The following DGKI variants were observed in gnomAD, a reference collection of about 807,000 sequenced individuals.
DGKI encodes the protein diacylglycerol kinase iota, also known as DAG kinase iota.
A neutral mutation model predicts 147.5 loss-of-function variants in DGKI; 55 were observed. The ratio of observed to expected loss-of-function variants is 0.37; its 90% confidence interval spans 0.30 to 0.47. DGKI has a LOEUF of 0.47. DGKI is among the 20% of genes least tolerant of loss of function. DGKI has a pLI of 1.00. For synonymous variants in DGKI, 469 were observed against 477.1 expected (o/e 0.98, Z 0.22); for missense variants, 1,007 against 1,323.8 (o/e 0.76, Z 3.71).
chr7:137,601,768 T>C (rs1323475477), intron 10 of DGKI, among the ~76,000 whole-genome samples: 1 of 152,242 alleles, frequency 6.6e-6, no homozygotes, highest in Non-Finnish European at 1.5e-5. Context: ...ATGTGAGCTC[T>C]AAAGTATAGC....
intron 27 of DGKI, among the ~76,000 whole-genome samples, chr7:137,454,588 G>T (rs1251320262): frequency 6.6e-6 from 1 of 151,944 alleles, no homozygotes; most frequent in Non-Finnish European, 1.5e-5. Flanking sequence ...TAGACAAAAT[G>T]AAAAAAGAAA....
intron 23 of DGKI, among the ~76,000 whole-genome samples, chr7:137,472,885 C>T (rs545163293): frequency 2.0e-5 from 3 of 151,694 alleles, no homozygotes; most frequent in African/African-American, 4.8e-5. Context: ...CTGCAGAGGA[C>T]ACAATAAAAA....
At chr7:137,652,187 G>A (rs976315454) in intron 5 of DGKI, among the ~76,000 whole-genome samples, 3 of 152,062 alleles carry the variant, frequency 2.0e-5, no homozygotes, top group Admixed American at 1.3e-4. Context: ...CTAGAAATGA[G>A]GGGATGAAAA....
chr7:137,549,842 A>G (rs1185862880), intron 20 of DGKI, among the ~76,000 whole-genome samples: 1 of 152,220 alleles, frequency 6.6e-6, no homozygotes, highest in Non-Finnish European at 1.5e-5. Flanking sequence ...ATAGGTTAGA[A>G]GGTAAATAAG....
intron 1 of DGKI, among the ~76,000 whole-genome samples, chr7:137,767,093 G>A (rs1300841953): frequency 3.3e-5 from 5 of 152,040 alleles, no homozygotes; most frequent in Non-Finnish European, 5.9e-5. Flanking sequence ...TGATGGGGGG[G>A]CCACTACCAG....
intron 3 of DGKI, among the ~76,000 whole-genome samples, chr7:137,667,851 C>T (rs1822696922): frequency 6.6e-6 from 1 of 152,156 alleles, no homozygotes; most frequent in East Asian, 1.9e-4. Flanking sequence ...TTCACTGACA[C>T]ATACACACCC....
intron 23 of DGKI, among the ~76,000 whole-genome samples, chr7:137,472,687 C>T (rs556598983): frequency 5.9e-5 from 9 of 151,582 alleles, no homozygotes; most frequent in Non-Finnish European, 1.0e-4. Flanking sequence ...ACAGATAAAG[C>T]TACTGACGTC....
chr7:137,750,356 C>T (rs1310019156), intron 1 of DGKI, among the ~76,000 whole-genome samples: 1 of 152,148 alleles, frequency 6.6e-6, no homozygotes, highest in South Asian at 2.1e-4. Flanking sequence ...CACACTCCTC[C>T]ACCATGAAGC....
intron 1 of DGKI, among the ~76,000 whole-genome samples, chr7:137,765,361 C>A (rs1406446338): frequency 6.6e-6 from 1 of 151,992 alleles, no homozygotes; most frequent in Non-Finnish European, 1.5e-5. Flanking sequence ...TATTTTTAAC[C>A]CAGCATTCCA....
chr7:137,445,895 G>A (rs905592065), intron 27 of DGKI, among the ~76,000 whole-genome samples: 7 of 152,056 alleles, frequency 4.6e-5, no homozygotes, highest in African/African-American at 1.7e-4. Flanking sequence ...GTTGGGGAGG[G>A]GAGTATTGAA....
chr7:137,661,702 C>T (rs1222158735), intron 3 of DGKI, among the ~76,000 whole-genome samples: 2 of 152,186 alleles, frequency 1.3e-5, no homozygotes, highest in Non-Finnish European at 2.9e-5. Flanking sequence ...TGCTCTCCTC[C>T]TCCCCCTTCT....
intron 28 of DGKI, among the ~76,000 whole-genome samples, chr7:137,421,028 G>C (rs1420806480): frequency 2.0e-5 from 3 of 151,518 alleles, no homozygotes; most frequent in Non-Finnish European, 4.4e-5. Flanking sequence ...CAATAAAAAA[G>C]AAAAAGAAAA....
At chr7:137,524,627 G>A (rs1817078009) in intron 20 of DGKI, among the ~76,000 whole-genome samples, 1 of 152,104 alleles carries the variant, frequency 6.6e-6, no homozygotes, top group Non-Finnish European at 1.5e-5. Flanking sequence ...TGCAAAGACT[G>A]TAATTAGAAA....
intron 1 of DGKI, among the ~76,000 whole-genome samples, chr7:137,748,971 G>A (rs962431067): frequency 3.3e-5 from 5 of 152,114 alleles, no homozygotes; most frequent in Admixed American, 6.5e-5. Context: ...ATTTAGTATC[G>A]TGCCTTATAG....
intron 19 of DGKI, among the ~76,000 whole-genome samples, chr7:137,556,552 C>G (rs1818230913): frequency 6.6e-6 from 1 of 152,076 alleles, no homozygotes; most frequent in Non-Finnish European, 1.5e-5. Context: ...TTCTACTACT[C>G]TAGCATTAAA....
chr7:137,564,700 T>G (rs1818524729), intron 19 of DGKI, among the ~76,000 whole-genome samples: 2 of 152,266 alleles, frequency 1.3e-5, no homozygotes, highest in African/African-American at 4.8e-5. Context: ...TTTACTTCCT[T>G]CCAGGGATGG....
At chr7:137,798,331 C>T (rs1193828541) in intron 1 of DGKI, among the ~76,000 whole-genome samples, 1 of 152,192 alleles carries the variant, frequency 6.6e-6, no homozygotes, top group Non-Finnish European at 1.5e-5. Flanking sequence ...AACCTTTCAA[C>T]CTACTCTACG....
intron 1 of DGKI, among the ~76,000 whole-genome samples, chr7:137,743,391 CTCAA>C (rs1342040729): frequency 6.6e-6 from 1 of 152,184 alleles, no homozygotes; most frequent in Non-Finnish European, 1.5e-5. Flanking sequence ...TAAAACAAGT[CTCAA>C]TCAATTTTTA....
chr7:137,609,567 A>C lies in DGKI; in HGVS notation c.1036T>G (p.Phe346Val). 1 of 1,613,514 alleles carries C rather than the reference A, an allele frequency of 6.2e-7. No homozygotes were observed. Among genetic ancestry groups the C allele is most frequent in the East Asian group, 2.2e-5 (1 of 44,846 alleles). ...ASNRKKKRTS[F>V]KRKASKRGME... The stretch of plus-strand genomic sequence containing the variant: ...CCTCTTTTACTGGCTTTTCTTTTAA[A>C]GCTTGTTCTCTTCTTCTTCCGATTT... Residue 346 changes from phenylalanine to valine, a missense_variant, in exon 9 of 33, where the codon TTT becomes GTT. This residue lies in a region of DGKI where 259 missense variants were observed against 362.5 expected (regional missense o/e 0.71). Coordinates refer to ENST00000614521, the MANE Select transcript of DGKI (RefSeq NM_001321708.2).
Sources: allele counts gnomAD v4.1 joint callset (sites outside exome capture counted in the v4.1 genomes callset), GRCh38; gene constraint gnomAD v4.1.1; regional missense constraint gnomAD v4.1.1; transcripts MANE v1.5; gene names NCBI Gene and HGNC (gene_info 2026-07-23, HGNC 2026-07-21).